Variants in PCDH7 observed in about 807,000 individuals in gnomAD.
PCDH7 encodes the protein protocadherin 7.
A neutral mutation model predicts 58.9 loss-of-function variants in PCDH7; 17 were observed. The ratio of observed to expected loss-of-function variants is 0.29; its 90% confidence interval spans 0.20 to 0.43. The LOEUF (loss-of-function observed/expected upper bound fraction) is 0.43. PCDH7 is among the 20% of genes least tolerant of loss of function. The pLI is 1.00. For synonymous variants in PCDH7, 664 were observed against 616.4 expected, an observed-to-expected ratio of 1.08 and a Z score of -1.14; for missense variants, 1,274 against 1,441.0, an observed-to-expected ratio of 0.88 and a Z score of 1.88.
chr4:30,810,296 A>G (rs1441089206), intron 1 of PCDH7, among the ~76,000 whole-genome samples: 1 of 152,154 alleles, frequency 6.6e-6, no homozygotes, highest in Non-Finnish European at 1.5e-5. Context: ...CGTTTATTAC[A>G]TGTCAGTTGA....
chr4:30,909,505 C>T (rs1188196850), intron 1 of PCDH7, among the ~76,000 whole-genome samples: 1 of 152,150 alleles, frequency 6.6e-6, no homozygotes, highest in Non-Finnish European at 1.5e-5. Context: ...AATCAATGTG[C>T]AAAAATCACA....
chr4:31,065,096 A>G (rs1247735249), intron 3 of PCDH7, among the ~76,000 whole-genome samples: 2 of 151,986 alleles, frequency 1.3e-5, no homozygotes, highest in African/African-American at 4.8e-5. Flanking sequence ...TGCTTTTGTG[A>G]GGAACTAAGA....
At chr4:30,966,124 T>C (rs963173802) in intron 3 of PCDH7, among the ~76,000 whole-genome samples, 1 of 152,170 alleles carries the variant, frequency 6.6e-6, no homozygotes, top group African/African-American at 2.4e-5. Flanking sequence ...AGGATTTTCA[T>C]TGCGGATTCT....
chr4:30,896,102 A>T (rs556298703), intron 1 of PCDH7, among the ~76,000 whole-genome samples: 1 of 152,138 alleles, frequency 6.6e-6, no homozygotes, highest in Non-Finnish European at 1.5e-5. Flanking sequence ...ACATAACTAC[A>T]TATTCTAATG....
intron 3 of PCDH7, among the ~76,000 whole-genome samples, chr4:31,041,803 T>A (rs567698574): frequency 1.4e-4 from 21 of 150,340 alleles, no homozygotes; most frequent in Middle Eastern, 6.9e-3. Flanking sequence ...GGCTATTTTT[T>A]AAAAAAATAA....
chr4:31,077,975 A>T (rs1160430473), intron 3 of PCDH7, among the ~76,000 whole-genome samples: 1 of 152,150 alleles, frequency 6.6e-6, no homozygotes. Context: ...ACTGGGTTAA[A>T]GGAAACAGGA....
intron 1 of PCDH7, among the ~76,000 whole-genome samples, chr4:30,886,978 T>C: frequency 1.8e-5 from 1 of 54,224 alleles, no homozygotes; most frequent in East Asian, 6.3e-4. Context: ...TGTTGTGGAG[T>C]GGGGGGTGGG....
chr4:30,728,817 C>T (rs1359630431), intron 1 of PCDH7, among the ~76,000 whole-genome samples: 2 of 150,068 alleles, frequency 1.3e-5, no homozygotes, highest in Admixed American at 1.3e-4. Context: ...TTACATATCT[C>T]GTATGTGAAA....
intron 3 of PCDH7, among the ~76,000 whole-genome samples, chr4:31,031,448 CCTTTGGGAAATT>C (rs1383518600): frequency 6.6e-6 from 1 of 152,018 alleles, no homozygotes; most frequent in Non-Finnish European, 1.5e-5. Flanking sequence ...AGGCTTATGT[CCTTTGGGAAATT>C]CTGTGTGGTC....
intron 1 of PCDH7, 112 bp from the exon 2 acceptor site, chr4:30,920,041 T>C: frequency 1.6e-6 from 1 of 636,676 alleles, no homozygotes; most frequent in East Asian, 6.7e-5. Context: ...CTATTCATTT[T>C]GTATTGAATT....
intron 3 of PCDH7, among the ~76,000 whole-genome samples, chr4:31,077,150 C>T (rs1157430967): frequency 1.3e-5 from 2 of 152,040 alleles, no homozygotes; most frequent in African/African-American, 2.4e-5. Flanking sequence ...GTGGCTCACG[C>T]CTGTAATCCC....
intron 1 of PCDH7, among the ~76,000 whole-genome samples, chr4:30,824,135 CTTTCTTTCT>C (rs1728787886): frequency 7.0e-6 from 1 of 143,480 alleles, no homozygotes; most frequent in Non-Finnish European, 1.5e-5. Flanking sequence ...TTCTTTCTTT[CTTTCTTTCT>C]TTCTTTCTTT....
At chr4:30,746,346 T>C (rs1456628310) in intron 1 of PCDH7, among the ~76,000 whole-genome samples, 1 of 152,008 alleles carries the variant, frequency 6.6e-6, no homozygotes, top group Non-Finnish European at 1.5e-5. Flanking sequence ...TTCAATCTGG[T>C]TTTTGCAAGA....
At chr4:31,072,174 C>G (rs989134663) in intron 3 of PCDH7, among the ~76,000 whole-genome samples, 1 of 151,994 alleles carries the variant, frequency 6.6e-6, no homozygotes, top group Middle Eastern at 3.2e-3. Flanking sequence ...CAATGAAGGG[C>G]TTTTCTGGGT....
At chr4:30,805,400 A>G (rs1008854702) in intron 1 of PCDH7, among the ~76,000 whole-genome samples, 4 of 152,190 alleles carry the variant, frequency 2.6e-5, no homozygotes, top group African/African-American at 9.7e-5. Flanking sequence ...TTTCTCATCT[A>G]TAAAATGAGG....
At chr4:30,877,843 G>A (rs185041081) in intron 1 of PCDH7, among the ~76,000 whole-genome samples, 62 of 152,228 alleles carry the variant, frequency 4.1e-4, no homozygotes, top group African/African-American at 1.4e-3. Flanking sequence ...TCTGGATATG[G>A]AAATCTAGTT....
chr4:31,146,074 A>C (rs535505962), downstream of PCDH7: 1 of 152,164 alleles, frequency 6.6e-6, no homozygotes, highest in East Asian at 1.9e-4. Context: ...TCCAGATATC[A>C]TTTCTGTATG....
At chr4:30,874,758 A>C (rs1736082651) in intron 1 of PCDH7, among the ~76,000 whole-genome samples, 3 of 151,944 alleles carry the variant, frequency 2.0e-5, no homozygotes, top group Admixed American at 2.0e-4. Flanking sequence ...TTTTATTTAG[A>C]GATGTTGTGA....
intron 3 of PCDH7, among the ~76,000 whole-genome samples, chr4:31,080,873 A>G (rs1157921155): frequency 1.3e-5 from 2 of 152,168 alleles, no homozygotes; most frequent in African/African-American, 2.4e-5. Flanking sequence ...TTTTCTCCAT[A>G]CTGTTCTTGT....
Sources: gnomAD v4.1 joint callset for allele counts (sites outside exome capture counted in the v4.1 genomes callset) on GRCh38, gnomAD v4.1.1 for gene constraint, MANE v1.5 for transcripts, NCBI Gene and HGNC (gene_info 2026-07-23, HGNC 2026-07-21) for gene names.